Variants in RFX8 observed in about 807,000 individuals in gnomAD.
The protein encoded by RFX8 is regulatory factor X8, also known as DNA-binding protein RFX8.
RFX8 carries 46 observed loss-of-function variants against 54.6 expected under a neutral mutation model. That is an observed-to-expected ratio of 0.84 (90% CI 0.67 to 1.08). The LOEUF is 1.08. Among genes scored for constraint, RFX8 ranks in the 50% least tolerant of loss-of-function variants. RFX8 has a pLI of 0.00. For synonymous variants in RFX8, 192 were observed against 209.5 expected (o/e 0.92, Z 0.72); for missense variants, 536 against 562.3 (o/e 0.95, Z 0.47).
chr2:101,456,276 T>A (rs1688957600), intron 2 of RFX8, among the ~76,000 whole-genome samples: 1 of 152,222 alleles, frequency 6.6e-6, no homozygotes, highest in Non-Finnish European at 1.5e-5. Context: ...AGAGAGGGCA[T>A]CCTTGTCTTG....
rs1254047060 is a variant in RFX8 at position 101,417,639 on chromosome 2, T to C, written c.397A>G (p.Ile133Val). The change falls in exon 6 of 12, where the codon ATT becomes GTT. Residue 133 changes from isoleucine to valine, a missense_variant. Coordinates refer to ENST00000428343, the MANE Select transcript of RFX8 (RefSeq NM_001145664.2). ...LLHDFLEDVS[I>V]QYLKSVQLFS... ...AACTGCACAGATTTCAGGTACTGAA[T>C]AGAAACATCTTCCAAGAAGTCATGA... 1.3e-6 allele frequency: 2 copies of C among 1,550,614 alleles called. No homozygotes were observed. Among genetic ancestry groups the C allele is most frequent in the African/African-American group, 1.4e-5 (1 of 73,016 alleles).
intron 1 of RFX8, among the ~76,000 whole-genome samples, chr2:101,472,391 C>T (rs1289144150): frequency 6.6e-6 from 1 of 152,098 alleles, no homozygotes; most frequent in African/African-American, 2.4e-5. Context: ...CCTGAGCCAC[C>T]GCACCCGGCC....
intron 9 of RFX8, among the ~76,000 whole-genome samples, chr2:101,408,466 C>CAG (rs1211684628): frequency 6.8e-6 from 1 of 147,496 alleles, no homozygotes; most frequent in African/African-American, 2.5e-5. Flanking sequence ...GCCTGGGCGA[C>CAG]AGCGAGACTC....
chr2:101,417,747 G>T (rs1323426240), intron 5 of RFX8, 63 bp from the exon 6 acceptor site: 2 of 1,367,760 alleles, frequency 1.5e-6, no homozygotes, highest in Admixed American at 2.3e-5. Context: ...TGAAGCTTAT[G>T]CATGCCACAG....
At chr2:101,427,384 C>T (rs1054155975) in intron 2 of RFX8, among the ~76,000 whole-genome samples, 3 of 152,078 alleles carry the variant, frequency 2.0e-5, no homozygotes, top group Non-Finnish European at 2.9e-5. Flanking sequence ...GAGACTGCAG[C>T]GTGAGAAGGA....
At chr2:101,401,828 C>T (rs1326449616) in intron 11 of RFX8, among the ~76,000 whole-genome samples, 1 of 152,162 alleles carries the variant, frequency 6.6e-6, no homozygotes, top group East Asian at 1.9e-4. Flanking sequence ...AATCTCTGTT[C>T]CACTATTTCC....
At position 101,402,708 on chromosome 2, in the gene RFX8, G is replaced by A; in HGVS notation, c.973C>T (p.His325Tyr). The A allele has an allele frequency of 1.3e-6, 2 of 1,552,564 alleles. No homozygotes were observed. The highest frequency in any genetic ancestry group is 1.7e-6 in the Non-Finnish European group (2 of 1,147,090). ...FHLLLLEYMI[H>Y]ILQSCLEEEE... is the part of the protein sequence containing the mutation. ...TCCTCTAGGCATGACTGAAGTATATGAATCATATATTCCAAAAGCAACAAG... is the reference window on the plus strand; with the variant it reads ...TCCTCTAGGCATGACTGAAGTATATAAATCATATATTCCAAAAGCAACAAG... The change falls in exon 11 of 12, where the codon CAT becomes TAT. Residue 325 changes from histidine to tyrosine, a missense_variant. Transcript: ENST00000428343.
At chr2:101,408,668 T>G (rs1003792409) in intron 9 of RFX8, among the ~76,000 whole-genome samples, 1 of 152,114 alleles carries the variant, frequency 6.6e-6, no homozygotes, top group Non-Finnish European at 1.5e-5. Flanking sequence ...TTGCCTAAGA[T>G]CAACAGGAGG....
At chr2:101,470,709 C>CTTTT (rs537834632) in intron 1 of RFX8, among the ~76,000 whole-genome samples, 9 of 105,540 alleles carry the variant, frequency 8.5e-5, no homozygotes, top group East Asian at 3.0e-4. Flanking sequence ...TCTGAGTACT[C>CTTTT]TTTTTTTTTT....
At chr2:101,433,076 G>A (rs1687580123) in intron 2 of RFX8, among the ~76,000 whole-genome samples, 2 of 152,156 alleles carry the variant, frequency 1.3e-5, no homozygotes. Flanking sequence ...GAAGACCGGG[G>A]AGGGAGGAGG....
intron 2 of RFX8, among the ~76,000 whole-genome samples, chr2:101,426,815 C>G (rs1456535315): frequency 1.3e-5 from 2 of 152,170 alleles, no homozygotes; most frequent in Non-Finnish European, 2.9e-5. Context: ...TCCATCAATT[C>G]TCCTGAATGA....
chr2:101,433,481 C>A (rs372000317), intron 2 of RFX8, among the ~76,000 whole-genome samples: 1 of 152,294 alleles, frequency 6.6e-6, no homozygotes, highest in East Asian at 1.9e-4. Context: ...GACTGAGACA[C>A]AATTATATAG....
At chr2:101,469,290 G>A (rs888932184) in intron 1 of RFX8, among the ~76,000 whole-genome samples, 1 of 147,210 alleles carries the variant, frequency 6.8e-6, no homozygotes, top group African/African-American at 2.5e-5. Flanking sequence ...GAATAGCTGC[G>A]ACTACAGGCG....
At position 101,412,960 on chromosome 2, in the gene RFX8, C is replaced by A. The variant is rs1413256085; in HGVS notation, c.673G>T (p.Asp225Tyr). The A allele has an allele frequency of 6.4e-7, 1 of 1,551,844 alleles. No individual in the cohort carries two copies. Among genetic ancestry groups the A allele is most frequent in the Non-Finnish European group, 8.7e-7 (1 of 1,147,016 alleles). ...LATSKKALAS[D>Y]RSGADELENN... ...TCCAGTTCATCTGCGCCACTCCGGT[C>A]ACTTGCCAGGGCTTTCTTAGAAGTA... The change falls in exon 8 of 12, where the codon GAC becomes TAC. Residue 225 changes from aspartate (D) to tyrosine (Y), a missense_variant. Transcript: ENST00000428343.
intron 1 of RFX8, among the ~76,000 whole-genome samples, chr2:101,467,846 C>T (rs1266063612): frequency 1.3e-5 from 2 of 151,574 alleles, no homozygotes; most frequent in Non-Finnish European, 2.9e-5. Flanking sequence ...CTTCCTTTCC[C>T]GGTGGGACAG....
At chr2:101,432,669 C>G (rs1687555479) in intron 2 of RFX8, among the ~76,000 whole-genome samples, 1 of 152,090 alleles carries the variant, frequency 6.6e-6, no homozygotes, top group Admixed American at 6.6e-5. Context: ...CTGAGTCAGG[C>G]CTTTGGGACA....
At chr2:101,431,163 ATCTCTCATTCAT>A (rs1558863599) in intron 2 of RFX8, among the ~76,000 whole-genome samples, 3 of 151,656 alleles carry the variant, frequency 2.0e-5, no homozygotes, top group Non-Finnish European at 4.4e-5. Flanking sequence ...TCATCAATCC[ATCTCTCATTCAT>A]TCATCAGTGC....
In RFX8 at chr2:101,413,131, C is replaced by T. The variant is rs1686251852; in HGVS notation, c.562-60G>A. ...ATCTGGTCATTTTATTTTTGCCTAA[C>T]TCTCCCCCAAATTGCCAAGATTTTT... On this transcript the variant is annotated intron_variant, in intron 7 of 11. Coordinates refer to ENST00000428343, the MANE Select transcript of RFX8 (RefSeq NM_001145664.2). 16 of 1,431,486 alleles carry T rather than the reference C, an allele frequency of 1.1e-5. No individual in the cohort carries two copies. In the South Asian group the frequency reaches 1.9e-4, roughly 17 times the overall value. The allele number at this position is 1,431,486 out of a possible 1,614,324, so 88.7% of individuals were successfully genotyped here. A position where few individuals can be genotyped will look rare whatever the true frequency, so the allele number is the denominator to read the frequency against.
At chr2:101,462,932 T>C (rs1392669231) in intron 2 of RFX8, among the ~76,000 whole-genome samples, 1 of 152,136 alleles carries the variant, frequency 6.6e-6, no homozygotes, top group Non-Finnish European at 1.5e-5. Flanking sequence ...GGATTCTTTA[T>C]AATAGATGTG....
Sources: gnomAD v4.1 joint callset for allele counts (sites outside exome capture counted in the v4.1 genomes callset) on GRCh38, gnomAD v4.1.1 for gene constraint, MANE v1.5 for transcripts, NCBI Gene and HGNC (gene_info 2026-07-23, HGNC 2026-07-21) for gene names.